Variants in ASPRV1 observed in about 807,000 individuals in gnomAD.
The protein encoded by ASPRV1 is retroviral-like aspartic protease 1.
A neutral mutation model predicts 11.0 loss-of-function variants in ASPRV1; 7 were observed. That is an observed-to-expected ratio of 0.64 (90% confidence interval 0.36 to 1.20). ASPRV1 has a LOEUF of 1.20. Among genes scored for constraint, ASPRV1 ranks in the 50% most tolerant of loss-of-function variants. The pLI, the probability that ASPRV1 is intolerant of heterozygous loss-of-function variation, is 0.02. For synonymous variants in ASPRV1, 136 were observed against 138.4 expected, an observed-to-expected ratio of 0.98 and a Z score of 0.12; for missense variants, 299 against 320.0, an observed-to-expected ratio of 0.93 and a Z score of 0.50.
upstream of ASPRV1, among the ~76,000 whole-genome samples, chr2:69,965,200 T>C (rs1054645378): frequency 9.2e-5 from 14 of 152,162 alleles, no homozygotes; most frequent in African/African-American, 3.4e-4. Flanking sequence ...CCACCACACC[T>C]GGCTAATTTT....
the ASPRV1 span, among the ~76,000 whole-genome samples, chr2:69,999,901 C>T: frequency 2.0e-5 from 3 of 151,964 alleles, no homozygotes; most frequent in African/African-American, 7.3e-5. Context: ...CTTCCTCCCT[C>T]TCCCACCCAA....
At chr2:70,023,818 G>C in the ASPRV1 span, among the ~76,000 whole-genome samples, 1 of 151,960 alleles carries the variant, frequency 6.6e-6, no homozygotes, top group Non-Finnish European at 1.5e-5. Flanking sequence ...AAGTGAAAGT[G>C]ACCCACTGTA....
chr2:70,005,555 C>T, the ASPRV1 span, among the ~76,000 whole-genome samples: 3 of 152,142 alleles, frequency 2.0e-5, no homozygotes, highest in Admixed American at 6.5e-5. Context: ...TTCTTGTCAG[C>T]TTATTTTTTG....
chr2:70,068,848 G>A, the ASPRV1 span, among the ~76,000 whole-genome samples: 1 of 150,968 alleles, frequency 6.6e-6, no homozygotes, highest in Non-Finnish European at 1.5e-5. Flanking sequence ...AGGAGGTTGA[G>A]GCAGGAGAAT....
the ASPRV1 span, among the ~76,000 whole-genome samples, chr2:70,078,135 C>T: frequency 2.6e-5 from 4 of 152,132 alleles, no homozygotes; most frequent in Non-Finnish European, 4.4e-5. Context: ...CCAGCCTGGG[C>T]GACAGAGCAA....
At chr2:70,066,878 C>A in the ASPRV1 span, among the ~76,000 whole-genome samples, 4 of 152,158 alleles carry the variant, frequency 2.6e-5, no homozygotes, top group South Asian at 2.1e-4. Context: ...GCATGAGCCA[C>A]CACGCCTGGC....
the ASPRV1 span, among the ~76,000 whole-genome samples, chr2:70,017,410 G>A: frequency 5.0e-4 from 76 of 152,308 alleles, no homozygotes; most frequent in Non-Finnish European, 9.4e-4. Flanking sequence ...GGTCATGTAC[G>A]ATAAGCCCAC....
chr2:69,975,006 G>T, the ASPRV1 span, among the ~76,000 whole-genome samples: 1 of 152,186 alleles, frequency 6.6e-6, no homozygotes. Context: ...TGGGGCAGGG[G>T]TCCCAGAGCC....
At chr2:70,036,407 G>A in the ASPRV1 span, among the ~76,000 whole-genome samples, 1 of 151,714 alleles carries the variant, frequency 6.6e-6, no homozygotes, top group South Asian at 2.1e-4. Context: ...ATACAAGTAT[G>A]AAATAATAAG....
the ASPRV1 span, among the ~76,000 whole-genome samples, chr2:69,985,147 C>T: frequency 2.6e-5 from 4 of 152,182 alleles, no homozygotes; most frequent in Non-Finnish European, 4.4e-5. Context: ...TGAGCCACGG[C>T]GCCCGGCCCA....
the ASPRV1 span, among the ~76,000 whole-genome samples, chr2:70,078,344 C>T: frequency 4.6e-5 from 7 of 152,040 alleles, no homozygotes; most frequent in African/African-American, 1.7e-4. Flanking sequence ...CACAAGCAGA[C>T]AGCACTCAAT....
the ASPRV1 span, chr2:70,045,425 T>A: frequency 6.6e-6 from 1 of 152,204 alleles, no homozygotes; most frequent in Non-Finnish European, 1.5e-5. Flanking sequence ...GGGACACAAG[T>A]TTCTGTTATC....
the ASPRV1 span, among the ~76,000 whole-genome samples, chr2:70,065,450 A>G: frequency 6.6e-6 from 1 of 151,790 alleles, no homozygotes; most frequent in Non-Finnish European, 1.5e-5. Context: ...GGAGAAGACT[A>G]TAAACAAATA....
the ASPRV1 span, chr2:70,000,384 A>G: frequency 6.6e-6 from 1 of 151,832 alleles, no homozygotes; most frequent in East Asian, 1.9e-4. Context: ...ACAAGGAGTT[A>G]ATAGCCTGAA....
At chr2:70,054,010 A>C in the ASPRV1 span, 1 of 152,272 alleles carries the variant, frequency 6.6e-6, no homozygotes, top group Non-Finnish European at 1.5e-5. Context: ...AGGGAAAACA[A>C]AATCAACACA....
chr2:70,052,406 C>A, the ASPRV1 span, among the ~76,000 whole-genome samples: 3 of 152,238 alleles, frequency 2.0e-5, no homozygotes, highest in African/African-American at 4.8e-5. Context: ...CAAGATATGA[C>A]TCCATTGATA....
chr2:70,076,742 T>C, the ASPRV1 span, among the ~76,000 whole-genome samples: 1 of 152,218 alleles, frequency 6.6e-6, no homozygotes. Flanking sequence ...CTTGAATATC[T>C]CATGTAATTT....
chr2:70,032,478 G>A, the ASPRV1 span, among the ~76,000 whole-genome samples: 2 of 150,744 alleles, frequency 1.3e-5, no homozygotes, highest in East Asian at 1.9e-4. Flanking sequence ...GCAACCTGGC[G>A]AGACTTGGTC....
At chr2:69,985,776 C>A in the ASPRV1 span, among the ~76,000 whole-genome samples, 1 of 152,178 alleles carries the variant, frequency 6.6e-6, no homozygotes, top group African/African-American at 2.4e-5. Context: ...TACCTTGGGT[C>A]ACAGACTGCT....
Sources: allele counts gnomAD v4.1 joint callset (sites outside exome capture counted in the v4.1 genomes callset), GRCh38; gene constraint gnomAD v4.1.1; transcripts MANE v1.5; gene names NCBI Gene and HGNC (gene_info 2026-07-23, HGNC 2026-07-21).